The following C8orf34 variants were observed in gnomAD, a reference collection of about 807,000 sequenced individuals.
C8orf34 encodes chromosome 8 open reading frame 34, also known as uncharacterized protein C8orf34.
C8orf34 carries 65 observed loss-of-function variants against 68.3 expected under a neutral mutation model. That is an observed-to-expected ratio of 0.95 (90% CI 0.78 to 1.17). The LOEUF is 1.17. Among genes scored for constraint, C8orf34 ranks in the 50% most tolerant of loss-of-function variants. The pLI, the probability that C8orf34 is intolerant of heterozygous loss-of-function variation, is 0.00. For missense variants in C8orf34, 664 were observed against 655.4 expected, an observed-to-expected ratio of 1.01 and a Z score of -0.14; for synonymous variants, 244 against 241.2, an observed-to-expected ratio of 1.01 and a Z score of -0.11.
At chr8:68,715,021 G>C (rs1821429989) in intron 9 of C8orf34, among the ~76,000 whole-genome samples, 1 of 152,084 alleles carries the variant, frequency 6.6e-6, no homozygotes, top group South Asian at 2.1e-4. Context: ...AACATAAAGT[G>C]GGGAAGGGAC....
intron 4 of C8orf34, among the ~76,000 whole-genome samples, chr8:68,476,169 G>A (rs770268619): frequency 2.0e-5 from 3 of 152,210 alleles, no homozygotes; most frequent in Admixed American, 6.5e-5. Flanking sequence ...TTCATTGAAT[G>A]TATGCAGGAA....
At chr8:68,604,353 T>C (rs1817790858) in intron 7 of C8orf34, among the ~76,000 whole-genome samples, 1 of 151,496 alleles carries the variant, frequency 6.6e-6, no homozygotes, top group African/African-American at 2.4e-5. Flanking sequence ...TAAAATAAAA[T>C]TCAGGAATAA....
intron 4 of C8orf34, among the ~76,000 whole-genome samples, chr8:68,483,304 C>T (rs1318224022): frequency 6.6e-6 from 1 of 152,014 alleles, no homozygotes; most frequent in African/African-American, 2.4e-5. Flanking sequence ...AAATGTACCC[C>T]CAAAAGTCTG....
intron 11 of C8orf34, among the ~76,000 whole-genome samples, chr8:68,780,956 G>A (rs1044161378): frequency 2.0e-5 from 3 of 152,212 alleles, no homozygotes; most frequent in African/African-American, 7.2e-5. Flanking sequence ...CCAGAGTGGA[G>A]TGTGACTTTG....
chr8:68,342,323 A>C (rs976266149), intron 1 of C8orf34, among the ~76,000 whole-genome samples: 17 of 152,318 alleles, frequency 1.1e-4, no homozygotes, highest in African/African-American at 4.1e-4. Context: ...CTATAGGAGG[A>C]CATATTGATA....
At chr8:68,342,633 C>G (rs778817778) in intron 1 of C8orf34, among the ~76,000 whole-genome samples, 184 of 152,162 alleles carry the variant, frequency 1.2e-3, no homozygotes, top group Non-Finnish European at 2.1e-3. Context: ...AAGTCTAACC[C>G]TGTCCCACTC....
In C8orf34 at chr8:68,557,952, G is replaced by A. The variant is rs74622667; in HGVS notation, c.1105+24803G>A. ...TGAGAATTAGAACAGATGTGAGTTA[G>A]TAATGAAATAGTTTAGAACATTCTC... is the stretch of plus-strand genomic sequence containing the variant. On this transcript the variant is annotated intron_variant, in intron 7 of 13. Coordinates refer to ENST00000518698, the MANE Select transcript of C8orf34 (RefSeq NM_052958.4). Among the ~76,000 whole-genome samples, 373 of 152,284 alleles carry A rather than the reference G, an allele frequency of 2.4e-3. 2 individuals carry two copies. Among genetic ancestry groups the A allele is most frequent in the African/African-American group, 8.6e-3 (359 of 41,558 alleles).
chr8:68,394,889 A>G (rs1275857916), intron 1 of C8orf34, among the ~76,000 whole-genome samples: 1 of 152,074 alleles, frequency 6.6e-6, no homozygotes, highest in Non-Finnish European at 1.5e-5. Flanking sequence ...AAAATGTGGT[A>G]ATTCTAGAGA....
intron 1 of C8orf34, among the ~76,000 whole-genome samples, chr8:68,331,760 TTTTTC>T (rs146930881): frequency 0.11 from 11,397 of 103,366 alleles, 1,720 homozygotes; most frequent in East Asian, 0.15. Context: ...TGGATTTTCT[TTTTTC>T]TTTTCTTTTC....
chr8:68,676,409 T>C (rs1361837482), intron 8 of C8orf34, among the ~76,000 whole-genome samples: 1 of 152,102 alleles, frequency 6.6e-6, no homozygotes, highest in African/African-American at 2.4e-5. Flanking sequence ...AATAAAGGGA[T>C]AGACCCCAAT....
chr8:68,785,471 C>T (rs1470352592), intron 11 of C8orf34, among the ~76,000 whole-genome samples: 1 of 152,138 alleles, frequency 6.6e-6, no homozygotes, highest in African/African-American at 2.4e-5. Flanking sequence ...TTAACCCGTA[C>T]TCCTATGGAA....
intron 10 of C8orf34, among the ~76,000 whole-genome samples, chr8:68,744,093 C>T (rs1369528221): frequency 6.6e-6 from 1 of 152,208 alleles, no homozygotes; most frequent in African/African-American, 2.4e-5. Context: ...CCCAAGCAGC[C>T]TAACTGGGAG....
chr8:68,376,545 CATT>C (rs1807808005), intron 1 of C8orf34, among the ~76,000 whole-genome samples: 1 of 151,690 alleles, frequency 6.6e-6, no homozygotes, highest in Non-Finnish European at 1.5e-5. Flanking sequence ...CCTGTAGAGT[CATT>C]ATACTCCTTC....
At chr8:68,661,043 A>T (rs1585689089) in intron 8 of C8orf34, among the ~76,000 whole-genome samples, 1 of 152,082 alleles carries the variant, frequency 6.6e-6, no homozygotes, top group Non-Finnish European at 1.5e-5. Flanking sequence ...CTGGGGGAGG[A>T]AAGACTCTGG....
intron 2 of C8orf34, among the ~76,000 whole-genome samples, chr8:68,440,677 G>A (rs1185991060): frequency 6.6e-6 from 1 of 152,108 alleles, no homozygotes; most frequent in Non-Finnish European, 1.5e-5. Context: ...AGGGGCTTTG[G>A]TTTGTAGGTA....
intron 11 of C8orf34, among the ~76,000 whole-genome samples, chr8:68,782,910 A>G (rs1385550606): frequency 6.6e-6 from 1 of 151,836 alleles, no homozygotes; most frequent in Non-Finnish European, 1.5e-5. Flanking sequence ...TTAAAGAAAA[A>G]AAAAAGAAAA....
intron 5 of C8orf34, among the ~76,000 whole-genome samples, chr8:68,493,034 G>A (rs1411902912): frequency 1.3e-5 from 2 of 152,144 alleles, no homozygotes; most frequent in East Asian, 1.9e-4. Flanking sequence ...ATTTCCCATG[G>A]AAAGTAATTT....
At chr8:68,588,888 C>G (rs1817283970) in intron 7 of C8orf34, among the ~76,000 whole-genome samples, 1 of 152,132 alleles carries the variant, frequency 6.6e-6, no homozygotes, top group African/African-American at 2.4e-5. Flanking sequence ...TTCTCCTTAG[C>G]AGGCCATATG....
chr8:68,613,932 C>T (rs914647428), intron 7 of C8orf34, among the ~76,000 whole-genome samples: 18 of 152,086 alleles, frequency 1.2e-4, no homozygotes, highest in Admixed American at 6.6e-5. Flanking sequence ...CCTATTTCTC[C>T]ACATCCTCTC....
Sources: allele counts gnomAD v4.1 joint callset (sites outside exome capture counted in the v4.1 genomes callset), GRCh38; gene constraint gnomAD v4.1.1; transcripts MANE v1.5; gene names NCBI Gene and HGNC (gene_info 2026-07-23, HGNC 2026-07-21).